TNFRSF19: variants seen among roughly 807,000 people sequenced by gnomAD.
The protein encoded by TNFRSF19 is TNF receptor superfamily member 19, also known as tumor necrosis factor receptor superfamily member 19.
In TNFRSF19, 27 loss-of-function variants were observed where a neutral mutation model predicts 46.4. The ratio of observed to expected loss-of-function variants is 0.58; its 90% CI spans 0.43 to 0.80. TNFRSF19 has a LOEUF of 0.80. TNFRSF19 is among the 30% of genes least tolerant of loss of function. The probability of loss-of-function intolerance (pLI) is 0.00; values close to 1 mark genes in which losing one functional copy is unlikely to be tolerated. For synonymous variants in TNFRSF19, 204 were observed against 205.0 expected, an observed-to-expected ratio of 1.00 and a Z score of 0.04; for missense variants, 511 against 530.8, an observed-to-expected ratio of 0.96 and a Z score of 0.37.
At chr13:23,574,603 C>A (rs1877842676) in intron 1 of TNFRSF19, among the ~76,000 whole-genome samples, 1 of 152,012 alleles carries the variant, frequency 6.6e-6, no homozygotes. Flanking sequence ...GAACTGAACT[C>A]AACCATCTGG....
At chr13:23,579,887 G>A (rs1878275340) in intron 1 of TNFRSF19, among the ~76,000 whole-genome samples, 1 of 151,818 alleles carries the variant, frequency 6.6e-6, no homozygotes, top group South Asian at 2.1e-4. Context: ...GCCCGACCCG[G>A]CCCCGGCGCC....
Position 23,605,123 on chromosome 13 carries a change from A to G in TNFRSF19, c.181-10744A>G, listed in dbSNP as rs143985495. On this transcript the variant is annotated intron_variant, in intron 3 of 9. Coordinates refer to ENST00000248484, the MANE Select transcript of TNFRSF19 (RefSeq NM_148957.4). Reference sequence around the variant, plus strand: ...AAAATTCTTAACACTGAGAAAACAAACAAATCCAATTTAAAAATGGGTAAA... The same window carrying G: ...AAAATTCTTAACACTGAGAAAACAAGCAAATCCAATTTAAAAATGGGTAAA... Among the ~76,000 whole-genome samples the G allele has an allele frequency of 7.4e-3, 1,133 of 152,340 alleles. 20 individuals are homozygous for G. Among genetic ancestry groups the G allele is most frequent in the African/African-American group, 0.025 (1,052 of 41,590 alleles).
intron 4 of TNFRSF19, among the ~76,000 whole-genome samples, chr13:23,617,412 T>C (rs1196360200): frequency 6.6e-6 from 1 of 151,948 alleles, no homozygotes; most frequent in Non-Finnish European, 1.5e-5. Flanking sequence ...TAAGTAACTG[T>C]GGGATGGATT....
intron 3 of TNFRSF19, among the ~76,000 whole-genome samples, chr13:23,612,411 G>A (rs925900636): frequency 4.6e-5 from 7 of 152,186 alleles, no homozygotes; most frequent in Admixed American, 2.0e-4. Flanking sequence ...TGGATTATGA[G>A]TAATTACAGA....
intron 3 of TNFRSF19, among the ~76,000 whole-genome samples, chr13:23,610,359 C>A (rs528425909): frequency 6.6e-6 from 1 of 152,302 alleles, no homozygotes; most frequent in South Asian, 2.1e-4. Context: ...AGTCATTTTG[C>A]TACTGGAAAA....
intron 5 of TNFRSF19, among the ~76,000 whole-genome samples, chr13:23,629,327 C>T (rs1566196896): frequency 6.6e-6 from 1 of 152,174 alleles, no homozygotes. Flanking sequence ...TGGCACACCA[C>T]GCCTTCTGCA....
At position 23,674,675 on chromosome 13, in the gene TNFRSF19, C is replaced by T. The variant is rs1951803888; in HGVS notation, c.*1295C>T. ...ATCTTTATGCCCTGGAGAAGACCTA[C>T]TTGAACAGGGCATATTTTTTAGACT... On this transcript the variant is annotated 3_prime_UTR_variant, in exon 10 of 10. Coordinates refer to ENST00000248484, the MANE Select transcript of TNFRSF19 (RefSeq NM_148957.4). 2 of 152,230 alleles carry T rather than the reference C, an allele frequency of 1.3e-5. No homozygotes were observed. The highest frequency in any genetic ancestry group is 2.9e-5 in the Non-Finnish European group (2 of 68,048). The allele number at this position is 152,230 out of a possible 1,614,324, so 9.4% of individuals were successfully genotyped here. A position where few individuals can be genotyped will look rare whatever the true frequency, so the allele number is the denominator to read the frequency against.
intron 5 of TNFRSF19, among the ~76,000 whole-genome samples, chr13:23,649,453 T>A (rs73156785): frequency 1.3e-5 from 2 of 152,086 alleles, no homozygotes; most frequent in Non-Finnish European, 2.9e-5. Context: ...CTATTCTCTC[T>A]TATTTACTTA....
At position 23,667,717 on chromosome 13, in the gene TNFRSF19, C is replaced by CA. The variant is rs3838827; in HGVS notation, c.737-262dup. Among the ~76,000 whole-genome samples, 124 of 152,288 alleles carry CA rather than the reference C, an allele frequency of 8.1e-4. No individual in the cohort carries two copies. In the East Asian group the frequency reaches 8.9e-3, roughly 11 times the overall value. ...CTGAAACTCTGTCTCCATTAAACAGCAGCTCCTGGTCTCCCCATTGCTCCA... is the reference window on the plus strand; with the variant it reads ...CTGAAACTCTGTCTCCATTAAACAGCAAGCTCCTGGTCTCCCCATTGCTCCA... On this transcript the variant is annotated intron_variant, in intron 7 of 9. Coordinates refer to ENST00000248484, the MANE Select transcript of TNFRSF19 (RefSeq NM_148957.4).
Position 23,593,330 on chromosome 13 carries a change from A to ATT in TNFRSF19, c.70-15_70-14insTT. ...CATACTTTAAGATAACATTTTGTTA[A>ATT]ATTTTTTTTTTCAGTCATGTAAAGT... On this transcript the variant is annotated splice_polypyrimidine_tract_variant and intron_variant, in intron 2 of 9. Transcript: ENST00000248484. 6.6e-7 allele frequency: 1 copy of ATT among 1,509,246 alleles called. No homozygotes were observed. The highest frequency in any genetic ancestry group is 8.9e-7 in the Non-Finnish European group (1 of 1,119,144). The allele number at this position is 1,509,246 out of a possible 1,614,324, so 93.5% of individuals were successfully genotyped here. A position where few individuals can be genotyped will look rare whatever the true frequency, so the allele number is the denominator to read the frequency against.
At chr13:23,607,812 G>T (rs1880617333) in intron 3 of TNFRSF19, among the ~76,000 whole-genome samples, 1 of 152,180 alleles carries the variant, frequency 6.6e-6, no homozygotes, top group African/African-American at 2.4e-5. Context: ...GGGTCATGAG[G>T]TTCTTTCAAT....
chr13:23,637,159 C>G (rs959351484), intron 5 of TNFRSF19, among the ~76,000 whole-genome samples: 1 of 152,014 alleles, frequency 6.6e-6, no homozygotes, highest in Non-Finnish European at 1.5e-5. Context: ...ATTTTAGGCC[C>G]GGGGGACACA....
intron 3 of TNFRSF19, among the ~76,000 whole-genome samples, chr13:23,615,627 C>G (rs1881226265): frequency 1.3e-5 from 2 of 152,270 alleles, no homozygotes; most frequent in African/African-American, 4.8e-5. Context: ...CTGAGAGACC[C>G]TTGATTATTC....
intron 7 of TNFRSF19, among the ~76,000 whole-genome samples, chr13:23,663,264 T>A (rs991690128): frequency 6.6e-5 from 10 of 152,234 alleles, no homozygotes; most frequent in African/African-American, 2.2e-4. Context: ...TCTGCATCTA[T>A]TGAGATAATC....
At chr13:23,602,975 G>A (rs1880268459) in intron 3 of TNFRSF19, among the ~76,000 whole-genome samples, 1 of 151,862 alleles carries the variant, frequency 6.6e-6, no homozygotes, top group Admixed American at 6.6e-5. Flanking sequence ...TTCAGAGTAA[G>A]CAGAATAAAA....
Position 23,659,017 on chromosome 13 carries a change from C to T in TNFRSF19, c.446-33C>T. 1 of 1,611,808 alleles carries T rather than the reference C, an allele frequency of 6.2e-7. No individual in the cohort carries two copies. The highest frequency in any genetic ancestry group is 8.5e-7 in the Non-Finnish European group (1 of 1,179,952). On this transcript the variant is annotated intron_variant, in intron 5 of 9. Transcript: ENST00000248484. The surrounding 1 kb of genome is among the most constrained non-coding windows in gnomAD (Gnocchi z 4.9). ...CATAAACACTGCATCTGCAGTTGTT[C>T]AGAGCATGCTGACCCCATTCCTGTG... is the stretch of plus-strand genomic sequence containing the variant.
chr13:23,600,330 C>T (rs1399323500), intron 3 of TNFRSF19, among the ~76,000 whole-genome samples: 1 of 152,090 alleles, frequency 6.6e-6, no homozygotes. Context: ...TACACTGCTG[C>T]AGAAGCCTCC....
chr13:23,592,464 A>G (rs1879383183), intron 2 of TNFRSF19, among the ~76,000 whole-genome samples: 2 of 152,222 alleles, frequency 1.3e-5, no homozygotes, highest in Admixed American at 1.3e-4. Flanking sequence ...TTTCAGAAAA[A>G]ATAAGAGAAA....
chr13:23,668,696 G>C lies in TNFRSF19; in HGVS notation c.844G>C (p.Ala282Pro). The C allele has an allele frequency of 6.2e-7, 1 of 1,612,036 alleles. No individual in the cohort carries two copies. The highest frequency in any genetic ancestry group is 8.5e-7 in the Non-Finnish European group (1 of 1,178,972). Residue 282 changes from alanine (A) to proline (P), a missense_variant, in exon 9 of 10, where the codon GCA becomes CCA. By Grantham distance (27) the Ala-to-Pro change is conservative (BLOSUM62 -1). Transcript: ENST00000248484. The part of the protein sequence containing the change: ...HSAASLQARN[A>P]GPAGEMVPTF... ...TTCTTTTGAACGTGTGTGCAGAAACGCAGGCCCAGCCGGGGAGATGGTGCC... is the reference window on the plus strand; with the variant it reads ...TTCTTTTGAACGTGTGTGCAGAAACCCAGGCCCAGCCGGGGAGATGGTGCC...
Sources: gnomAD v4.1 joint callset for allele counts (sites outside exome capture counted in the v4.1 genomes callset) on GRCh38, gnomAD v4.1.1 for gene constraint, Gnocchi (gnomAD v3.1) non-coding constraint, MANE v1.5 for transcripts, NCBI Gene and HGNC (gene_info 2026-07-23, HGNC 2026-07-21) for gene names.